Variants in CASKIN1 observed in about 807,000 individuals in gnomAD.
CASKIN1 encodes CASK interacting protein 1, also known as caskin-1.
In CASKIN1, 42 loss-of-function variants were observed where a neutral mutation model predicts 117.5. The ratio of observed to expected loss-of-function variants is 0.36; its 90% CI spans 0.28 to 0.46. The LOEUF (loss-of-function observed/expected upper bound fraction) is 0.46, where lower values mean the gene tolerates loss of function less well. Ranked by LOEUF, CASKIN1 falls within the 20% of genes least tolerant of loss-of-function variation. The probability of loss-of-function intolerance (pLI) is 1.00; values close to 1 mark genes in which losing one functional copy is unlikely to be tolerated. For synonymous variants in CASKIN1, 1,148 were observed against 961.7 expected, an observed-to-expected ratio of 1.19 and a Z score of -3.59; for missense variants, 2,083 against 2,077.3, an observed-to-expected ratio of 1.00 and a Z score of -0.05.
rs1386920206 is a variant in CASKIN1, at chr16:2,178,634, CG to C, written c.4211del (p.Ala1404GlyfsTer46). ...EDAQGPRDSA[A>X]EKSTGSILDD... is the part of the protein sequence containing the mutation. ...CCAGGATGCTGCCAGTGCTCTTTTC[CG>C]CCGCCGAGTCGCTGCGGGGCGCGGG... On this transcript the variant is annotated frameshift_variant, in exon 20 of 20. Transcript: ENST00000343516. LOFTEE classifies it high-confidence loss of function. 1 of 1,591,634 alleles carries C rather than the reference CG, an allele frequency of 6.3e-7. No homozygotes were observed. Among genetic ancestry groups the C allele is most frequent in the Non-Finnish European group, 8.5e-7 (1 of 1,174,568 alleles).
rs549492185 is a variant in CASKIN1, at chr16:2,190,060, C to T, written c.244+13G>A. On this transcript the variant is annotated intron_variant, in intron 3 of 19. Coordinates refer to ENST00000343516, the MANE Select transcript of CASKIN1 (RefSeq NM_020764.4). ...CGCCCCTGCCCCCACCAGAGGCCCT[C>T]GGCTAGTCTTGCCTTTGTTGTCCTT... 24 of 1,610,306 alleles carry T rather than the reference C, an allele frequency of 1.5e-5. No homozygotes were observed. The highest frequency in any genetic ancestry group is 1.3e-4 in the South Asian group (12 of 91,022).
At chr16:2,186,409 GTCCCCTGCCC>G (rs1262786236) in intron 10 of CASKIN1, among the ~76,000 whole-genome samples, 1 of 152,176 alleles carries the variant, frequency 6.6e-6, no homozygotes, top group Non-Finnish European at 1.5e-5. Flanking sequence ...TTACTTCGCT[GTCCCCTGCCC>G]TCTCCTGCCC....
At position 2,196,471 on chromosome 16, in the gene CASKIN1, A is replaced by T. The variant is rs1185284236; in HGVS notation, c.-39T>A. On this transcript the variant is annotated 5_prime_UTR_variant, in exon 1 of 20. Transcript: ENST00000343516. The surrounding 1 kb of genome is among the most constrained non-coding windows in gnomAD (Gnocchi z 5.7). ...CCGCAGCGACGCGGCTGCGCTCGTG[A>T]GCTCGGCGCGGCTCAGAGGCGGCGG... 4.1e-5 allele frequency: 44 copies of T among 1,066,916 alleles called. No individual in the cohort carries two copies. Among genetic ancestry groups the T allele is most frequent in the Non-Finnish European group, 5.0e-5 (44 of 872,944 alleles). The allele number at this position is 1,066,916 out of a possible 1,614,324, so 66.1% of individuals were successfully genotyped here. A position where few individuals can be genotyped will look rare whatever the true frequency, so the allele number is the denominator to read the frequency against.
In CASKIN1 at chr16:2,181,282, G is replaced by C; in HGVS notation, c.2086C>G (p.Leu696Val). The C allele has an allele frequency of 1.9e-6, 3 of 1,602,566 alleles. No homozygotes were observed. In the South Asian group the frequency reaches 3.3e-5, roughly 18 times the overall value. Residue 696 changes from leucine (L) to valine (V), a missense_variant, in exon 18 of 20, where the codon CTG becomes GTG. Leu to Val is a conservative substitution (Grantham distance 32, BLOSUM62 1). This residue lies in a region of CASKIN1 where 1,818 missense variants were observed against 1,688.9 expected (regional missense o/e 1.08). Coordinates refer to ENST00000343516, the MANE Select transcript of CASKIN1 (RefSeq NM_020764.4). ...CTCATGTGCCGTGCCCGACCACCCA[G>C]GCTGGAGTCCTGCCGCGTGGTGGCC... The part of the protein sequence containing the change: ...PRATTRQDSS[L>V]GGRARHMSSS...
intron 3 of CASKIN1, among the ~76,000 whole-genome samples, chr16:2,189,811 A>G (rs1345720954): frequency 6.6e-6 from 1 of 151,074 alleles, no homozygotes; most frequent in Non-Finnish European, 1.5e-5. Context: ...TTGACCCCCA[A>G]GGCCAACCCT....
intron 14 of CASKIN1, among the ~76,000 whole-genome samples, chr16:2,184,377 C>G (rs2093177384): frequency 1.3e-5 from 2 of 152,162 alleles, no homozygotes; most frequent in Admixed American, 1.3e-4. Context: ...GCCTCCTCCA[C>G]CGTGCAGGAC....
At position 2,181,390 on chromosome 16, in the gene CASKIN1, C is replaced by G. The variant is rs375586649; in HGVS notation, c.1978G>C (p.Glu660Gln). The G allele has an allele frequency of 9.3e-6, 15 of 1,610,062 alleles. No homozygotes were observed. The highest frequency in any genetic ancestry group is 1.6e-4 in the Middle Eastern group (1 of 6,076). The change falls in exon 18 of 20, where the codon GAG becomes CAG. Residue 660 changes from glutamate (E) to glutamine (Q), a missense_variant. Around this residue, in one of 3 missense-constraint regions of CASKIN1, gnomAD observed 1,818 missense variants for 1,688.9 expected, o/e 1.08. Transcript: ENST00000343516. ...TTFQDSELSD[E>Q]LQAAMTGPAE... ...GGGCCAGTCATGGCAGCCTGCAGCT[C>G]GTCACTGAGCTCGCTGTCCTGGAAG... is the stretch of plus-strand genomic sequence containing the variant.
rs2093167530 is a variant in CASKIN1, at chr16:2,181,417, T to C, written c.1951A>G (p.Thr651Ala). 11 of 1,611,596 alleles carry C rather than the reference T, an allele frequency of 6.8e-6. No individual in the cohort carries two copies. Among genetic ancestry groups the C allele is most frequent in the Non-Finnish European group, 7.6e-6 (9 of 1,179,646 alleles). Reference protein sequence around the residue: ...PADCQSPKMTTFQDSELSDEL... With the variant: ...PADCQSPKMTAFQDSELSDEL... The stretch of plus-strand genomic sequence containing the variant: ...TCACTGAGCTCGCTGTCCTGGAAGG[T>C]GGTCATTTTAGGGGACTGGCAGTCG... The change falls in exon 18 of 20, where the codon ACC becomes GCC. Residue 651 changes from threonine to alanine, a missense_variant. By Grantham distance (58) the Thr-to-Ala change is moderately conservative. This residue lies in a region of CASKIN1 where 1,818 missense variants were observed against 1,688.9 expected (regional missense o/e 1.08). Transcript: ENST00000343516.
rs2093165935 is a variant in CASKIN1 at position 2,181,006 on chromosome 16, G to A, written c.2362C>T (p.Pro788Ser). The change falls in exon 18 of 20, where the codon CCC becomes TCC. Residue 788 changes from proline to serine, a missense_variant. Coordinates refer to ENST00000343516, the MANE Select transcript of CASKIN1 (RefSeq NM_020764.4). The stretch of plus-strand genomic sequence containing the variant: ...CCATGAGGTCCCCCAAGGGCCTGGG[G>A]AGAGCCTGGTCGGGTTTTGGTGGGC... ...QTPTKTRPGS[P>S]QALGGPHGPA... The A allele has an allele frequency of 1.3e-6, 2 of 1,486,418 alleles. No individual in the cohort carries two copies. Among genetic ancestry groups the A allele is most frequent in the East Asian group, 4.9e-5 (2 of 40,630 alleles). 92.1% of individuals were successfully genotyped at this position (1,486,418 alleles called of 1,614,324 possible).
At chr16:2,192,521 AGAC>A (rs1476361693) in intron 1 of CASKIN1, among the ~76,000 whole-genome samples, 2 of 152,100 alleles carry the variant, frequency 1.3e-5, no homozygotes, top group Non-Finnish European at 2.9e-5. Flanking sequence ...ACAGGCCTCC[AGAC>A]GTTCCTCCAA....
intron 10 of CASKIN1, among the ~76,000 whole-genome samples, chr16:2,185,761 C>CG (rs2093182453): frequency 6.6e-6 from 1 of 152,230 alleles, no homozygotes; most frequent in Non-Finnish European, 1.5e-5. Context: ...TGGCCATGGT[C>CG]GGGGGCTGGC....
chr16:2,179,217 G>A lies in CASKIN1; in HGVS notation c.3884C>T (p.Ala1295Val). ...GGGCGAGGGTGCGGGTGAAGGGCCGGCGCTGCCCGAAGGCAGCCCCGCGAC... is the reference window on the plus strand; with the variant it reads ...GGGCGAGGGTGCGGGTGAAGGGCCGACGCTGCCCGAAGGCAGCCCCGCGAC... ...KAVAGLPSGS[A>V]GPSPAPSPAR... The change falls in exon 19 of 20, where the codon GCC becomes GTC. Residue 1295 changes from alanine to valine, a missense_variant. Around this residue, in one of 3 missense-constraint regions of CASKIN1, gnomAD observed 1,818 missense variants for 1,688.9 expected, o/e 1.08. Coordinates refer to ENST00000343516, the MANE Select transcript of CASKIN1 (RefSeq NM_020764.4). The surrounding 1 kb of genome is among the most constrained non-coding windows in gnomAD (Gnocchi z 5.8). The A allele has an allele frequency of 1.4e-5, 17 of 1,175,680 alleles. No homozygotes were observed. Among genetic ancestry groups the A allele is most frequent in the Non-Finnish European group, 1.8e-5 (17 of 952,138 alleles). The allele number at this position is 1,175,680 out of a possible 1,614,324, so 72.8% of individuals were successfully genotyped here.
Position 2,181,190 on chromosome 16 carries a change from C to T in CASKIN1, c.2178G>A (p.Glu726=). The change falls in exon 18 of 20, where the codon GAG becomes GAA. Residue 726 remains glutamate, a synonymous_variant. Coordinates refer to ENST00000343516, the MANE Select transcript of CASKIN1 (RefSeq NM_020764.4). ...GGGCGGGGCCCTCATCCAGGAGGTACTCCTGGCTTCGAGACATGGGGCTGC... is the reference window on the plus strand; with the variant it reads ...GGGCGGGGCCCTCATCCAGGAGGTATTCCTGGCTTCGAGACATGGGGCTGC... ...GPSSPMSRSQ[E]YLLDEGPAPG... 2 of 1,557,916 alleles carry T rather than the reference C, an allele frequency of 1.3e-6. No individual in the cohort carries two copies. Among genetic ancestry groups the T allele is most frequent in the East Asian group, 2.3e-5 (1 of 44,148 alleles).
At chr16:2,183,777 G>A (rs781215550) in intron 15 of CASKIN1, 30 bp from the exon 16 acceptor site, 11 of 1,612,348 alleles carry the variant, frequency 6.8e-6, no homozygotes, top group East Asian at 2.2e-5. Context: ...GTCAGCTAGG[G>A]GCTGGGCCCA....
rs2093217049 is a variant in CASKIN1 at position 2,196,525 on chromosome 16, G to GCCGCCTCCC, written c.-102_-94dup. On this transcript the variant is annotated 5_prime_UTR_variant, in exon 1 of 20. Transcript: ENST00000343516. The surrounding 1 kb of genome is among the most constrained non-coding windows in gnomAD (Gnocchi z 5.7). The stretch of plus-strand genomic sequence containing the variant: ...CCCCGCGGCACCGGCCGCCTCCCCC[G>GCCGCCTCCC]CCGCCTCCCCCGCCGCCTCCTCGCC... 6.7e-6 allele frequency: 3 copies of GCCGCCTCCC among 445,762 alleles called. No individual in the cohort carries two copies. The South Asian group carries it at 2.6e-4, about 39-fold the overall frequency. The allele number at this position is 445,762 out of a possible 1,614,324, so 27.6% of individuals were successfully genotyped here. A position where few individuals can be genotyped will look rare whatever the true frequency, so the allele number is the denominator to read the frequency against.
Position 2,187,069 on chromosome 16 carries a change from G to A in CASKIN1, c.839C>T (p.Ala280Val). ...CGCCCGGACCTGCAGGGCCGCTGAG[G>A]CCTCTGGGGATACAGGAGGGGGCCC... ...SREIKQLLRE[A>V]SAALQVRATK... Residue 280 changes from alanine (A) to valine (V), a missense_variant, in exon 9 of 20, where the codon GCC becomes GTC. Coordinates refer to ENST00000343516, the MANE Select transcript of CASKIN1 (RefSeq NM_020764.4). 6.2e-7 allele frequency: 1 copy of A among 1,613,600 alleles called. No individual in the cohort carries two copies. The highest frequency in any genetic ancestry group is 1.6e-4 in the Middle Eastern group (1 of 6,062).
rs776670562 is a variant in CASKIN1, at chr16:2,189,089, G to A, written c.555C>T (p.Thr185=). The A allele has an allele frequency of 8.7e-6, 14 of 1,613,466 alleles. No individual in the cohort carries two copies. The highest frequency in any genetic ancestry group is 5.3e-5 in the African/African-American group (4 of 74,900). Residue 185 remains threonine (T), a synonymous_variant, in exon 6 of 20, where the codon ACC becomes ACT. Transcript: ENST00000343516. ...ALLEPRPGDA[T]DPNGTSPLHL... ...GCAAAGGGCTGGTGCCGTTGGGGTC[G>A]GTGGCGTCTCCCGGCCGGGGCTCCA... is the stretch of plus-strand genomic sequence containing the variant.
chr16:2,178,575 T>A lies in CASKIN1; in HGVS notation c.4271A>T (p.Asp1424Val). ...TCACTCCAGCATGGCATCCAGCTGG[T>A]CGGCCAGGTCGTCGAACATGCTGCC... The part of the protein sequence containing the change: ...DIGSMFDDLA[D>V]QLDAMLE Residue 1424 changes from aspartate (D) to valine (V), a missense_variant, in exon 20 of 20, where the codon GAC becomes GTC. This residue lies in a region of CASKIN1 where 1,818 missense variants were observed against 1,688.9 expected (regional missense o/e 1.08). Coordinates refer to ENST00000343516, the MANE Select transcript of CASKIN1 (RefSeq NM_020764.4). 6.3e-7 allele frequency: 1 copy of A among 1,596,310 alleles called. No homozygotes were observed. Among genetic ancestry groups the A allele is most frequent in the African/African-American group, 1.4e-5 (1 of 73,364 alleles).
Position 2,179,522 on chromosome 16 carries a change from C to A in CASKIN1, c.3775+71G>T. 1.4e-6 allele frequency: 2 copies of A among 1,401,110 alleles called. No homozygotes were observed. Among genetic ancestry groups the A allele is most frequent in the Non-Finnish European group, 1.9e-6 (2 of 1,078,518 alleles). The allele number at this position is 1,401,110 out of a possible 1,614,324, so 86.8% of individuals were successfully genotyped here. ...TCCATCAAACCCAAGAAAAGGAAAA[C>A]CCCTCAGACCACCGAGTAAGGAGGT... On this transcript the variant is annotated intron_variant, in intron 18 of 19. Coordinates refer to ENST00000343516, the MANE Select transcript of CASKIN1 (RefSeq NM_020764.4). This position sits in a 1 kb window ranked among gnomAD's most constrained non-coding sequence, Gnocchi z 5.8.
Sources: gnomAD v4.1 joint callset for allele counts (sites outside exome capture counted in the v4.1 genomes callset) on GRCh38, gnomAD v4.1.1 for gene constraint, gnomAD v4.1.1 regional missense constraint, Gnocchi (gnomAD v3.1) non-coding constraint, MANE v1.5 for transcripts, NCBI Gene and HGNC (gene_info 2026-07-23, HGNC 2026-07-21) for gene names.